Variants in CRB1 observed in about 807,000 individuals in gnomAD.
The protein encoded by CRB1 is crumbs cell polarity complex component 1, also known as protein crumbs homolog 1.
Under a neutral mutation model 120.0 loss-of-function variants are expected in CRB1, and 83 were observed. The ratio of observed to expected loss-of-function variants is 0.69; its 90% CI spans 0.58 to 0.83. CRB1 has a LOEUF of 0.83. Ranked by LOEUF, CRB1 falls within the 40% of genes least tolerant of loss-of-function variation. The probability of loss-of-function intolerance (pLI) is 0.00; values close to 1 mark genes in which losing one functional copy is unlikely to be tolerated. For missense variants in CRB1, 1,699 were observed against 1,687.6 expected, an observed-to-expected ratio of 1.01 and a Z score of -0.12; for synonymous variants, 625 against 612.5, an observed-to-expected ratio of 1.02 and a Z score of -0.30.
chr1:197,264,158 A>G (rs2125190331), upstream of CRB1, among the ~76,000 whole-genome samples: 1 of 152,238 alleles, frequency 6.6e-6, no homozygotes, highest in East Asian at 1.9e-4. Context: ...TCCATCATCT[A>G]TCATTTCACA....
intron 11 of CRB1, chr1:197,442,540 T>C: frequency 3.5e-6 from 5 of 1,440,350 alleles, no homozygotes; most frequent in Non-Finnish European, 1.8e-6. Context: ...TTAAGGTAAA[T>C]TCAAGGCTTA....
chr1:197,272,287 G>A (rs938664397), intron 1 of CRB1, among the ~76,000 whole-genome samples: 1 of 152,038 alleles, frequency 6.6e-6, no homozygotes, highest in African/African-American at 2.4e-5. Context: ...TGAGAAAAAG[G>A]TATCTTTTTG....
the CRB1 span, among the ~76,000 whole-genome samples, chr1:197,258,594 T>C: frequency 1.3e-5 from 2 of 152,174 alleles, no homozygotes; most frequent in South Asian, 4.1e-4. Flanking sequence ...TTCCTGACCC[T>C]CTTTCGTCTC....
At chr1:197,349,972 C>T (rs1295426462) in intron 4 of CRB1, among the ~76,000 whole-genome samples, 1 of 151,626 alleles carries the variant, frequency 6.6e-6, no homozygotes, top group Non-Finnish European at 1.5e-5. Flanking sequence ...CGGTGGCGGG[C>T]GCCTGTAGTC....
the CRB1 span, among the ~76,000 whole-genome samples, chr1:197,216,563 C>G: frequency 3.3e-5 from 5 of 152,052 alleles, no homozygotes; most frequent in South Asian, 6.2e-4. Context: ...TGGAGGAATC[C>G]AAAATTATTA....
At chr1:197,351,264 G>A (rs1660080633) in intron 4 of CRB1, among the ~76,000 whole-genome samples, 1 of 150,262 alleles carries the variant, frequency 6.7e-6, no homozygotes, top group South Asian at 2.1e-4. Flanking sequence ...GGAGGCTGAG[G>A]CAGGAGAATC....
At chr1:197,239,679 A>C in the CRB1 span, among the ~76,000 whole-genome samples, 1 of 151,294 alleles carries the variant, frequency 6.6e-6, no homozygotes, top group Non-Finnish European at 1.5e-5. Flanking sequence ...ACTTACAAAT[A>C]ATATAATTAT....
At chr1:197,474,547 T>C (rs1667118970) in intron 11 of CRB1, among the ~76,000 whole-genome samples, 3 of 152,200 alleles carry the variant, frequency 2.0e-5, no homozygotes, top group Admixed American at 2.0e-4. Flanking sequence ...ATTGAGGTAC[T>C]AACAAGGACT....
At chr1:197,461,859 A>G (rs981911517) in intron 11 of CRB1, among the ~76,000 whole-genome samples, 6 of 152,162 alleles carry the variant, frequency 3.9e-5, no homozygotes, top group Admixed American at 3.9e-4. Context: ...TTGTCAGCTC[A>G]GTTCAAAAAA....
intron 6 of CRB1, among the ~76,000 whole-genome samples, chr1:197,422,228 G>A (rs1445811708): frequency 1.3e-5 from 2 of 151,754 alleles, no homozygotes; most frequent in Non-Finnish European, 2.9e-5. Flanking sequence ...TCATCTTTGT[G>A]TTTGCAAAAT....
intron 5 of CRB1, among the ~76,000 whole-genome samples, chr1:197,390,685 T>C (rs1195578175): frequency 1.3e-5 from 2 of 152,098 alleles, no homozygotes; most frequent in Non-Finnish European, 1.5e-5. Context: ...AGAGTAAATA[T>C]AATACAAAAA....
intron 2 of CRB1, among the ~76,000 whole-genome samples, chr1:197,331,054 C>G (rs1281714083): frequency 6.6e-6 from 1 of 151,918 alleles, no homozygotes; most frequent in Non-Finnish European, 1.5e-5. Flanking sequence ...TGGTGGCGGG[C>G]GCCTGTAGTC....
At chr1:197,278,425 A>G (rs1655342907) in intron 1 of CRB1, among the ~76,000 whole-genome samples, 2 of 151,980 alleles carry the variant, frequency 1.3e-5, no homozygotes, top group Admixed American at 1.3e-4. Context: ...AGTCTATGAT[A>G]GTTTGTTTTG....
At chr1:197,445,830 G>C (rs773083557) in intron 11 of CRB1, among the ~76,000 whole-genome samples, 4 of 152,044 alleles carry the variant, frequency 2.6e-5, no homozygotes, top group Non-Finnish European at 5.9e-5. Flanking sequence ...CTGTATACTA[G>C]GTCCTGGGAA....
At chr1:197,419,257 T>A (rs1243673807) in intron 5 of CRB1, among the ~76,000 whole-genome samples, 2 of 152,164 alleles carry the variant, frequency 1.3e-5, no homozygotes, top group East Asian at 3.8e-4. Flanking sequence ...AAAACACACA[T>A]TTGGGCATAG....
At chr1:197,266,607 T>C (rs551464919), upstream of CRB1, among the ~76,000 whole-genome samples, 38 of 152,324 alleles carry the variant, frequency 2.5e-4, no homozygotes, top group African/African-American at 9.1e-4. Flanking sequence ...ATGGTAGCCA[T>C]TGACTCATTT....
chr1:197,382,790 G>A (rs1327884116), intron 5 of CRB1, among the ~76,000 whole-genome samples: 3 of 152,160 alleles, frequency 2.0e-5, no homozygotes, highest in Non-Finnish European at 4.4e-5. Flanking sequence ...TGCATGCCCT[G>A]AAAATAATAA....
chr1:197,301,113 G>A (rs374077158), intron 1 of CRB1, among the ~76,000 whole-genome samples: 5 of 151,006 alleles, frequency 3.3e-5, no homozygotes, highest in East Asian at 3.9e-4. Flanking sequence ...GGGCAAGGAT[G>A]TGAATGTTTT....
intron 11 of CRB1, among the ~76,000 whole-genome samples, chr1:197,445,109 T>C (rs1276422423): frequency 6.6e-6 from 1 of 152,180 alleles, no homozygotes; most frequent in African/African-American, 2.4e-5. Flanking sequence ...GTTTACATTG[T>C]CCCTGCCAAA....
Sources: allele counts gnomAD v4.1 joint callset (sites outside exome capture counted in the v4.1 genomes callset), GRCh38; gene constraint gnomAD v4.1.1; transcripts MANE v1.5; gene names NCBI Gene and HGNC (gene_info 2026-07-23, HGNC 2026-07-21).